Variants in CD59 observed in about 807,000 individuals in gnomAD.
The protein encoded by CD59 is CD59 molecule (CD59 blood group).
A neutral mutation model predicts 7.0 loss-of-function variants in CD59; 3 were observed. The ratio of observed to expected loss-of-function variants is 0.43; its 90% CI spans 0.19 to 1.10. CD59 has a LOEUF of 1.10. Ranked by LOEUF, CD59 falls within the 50% of genes least tolerant of loss-of-function variation. The pLI is 0.29. For synonymous variants in CD59, 60 were observed against 62.0 expected (o/e 0.97, Z 0.15); for missense variants, 143 against 151.0 (o/e 0.95, Z 0.28).
chr11:33,705,549 A>G lies in CD59; in HGVS notation c.*4577T>C, dbSNP rs1287823044. On this transcript the variant is annotated 3_prime_UTR_variant, in exon 4 of 4. Transcript: ENST00000642928. ...GCCTTTGGAATCTAGGACTTGCACC[A>G]GTGGGTTGGTTGCCAGGGGCTCTTG... is the stretch of plus-strand genomic sequence containing the variant. 6.6e-6 allele frequency: 1 copy of G among 152,246 alleles called. No individual in the cohort carries two copies. Among genetic ancestry groups the G allele is most frequent in the Non-Finnish European group, 1.5e-5 (1 of 68,044 alleles). 9.4% of individuals were successfully genotyped at this position (152,246 alleles called of 1,614,324 possible). A position where few individuals can be genotyped will look rare whatever the true frequency, so the allele number is the denominator to read the frequency against.
chr11:33,718,882 G>C (rs1159795628), intron 2 of CD59: 1 of 152,232 alleles, frequency 6.6e-6, no homozygotes, highest in African/African-American at 2.4e-5. Flanking sequence ...GAGGAAGCAA[G>C]AGTTGGAAGG....
chr11:33,722,355 A>G lies in CD59; in HGVS notation c.67+24T>C, dbSNP rs7107334. Reference sequence around the variant, plus strand: ...TTCATGGCCAAGGCAGCCTAGATCCATGTCCTGAGACTGGAGCACTCACCT... The same window carrying G: ...TTCATGGCCAAGGCAGCCTAGATCCGTGTCCTGAGACTGGAGCACTCACCT... On this transcript the variant is annotated intron_variant, in intron 2 of 3. Transcript: ENST00000642928. 156 of 1,557,166 alleles carry G rather than the reference A, an allele frequency of 1.0e-4. No homozygotes were observed. In the African/African-American group the frequency reaches 1.9e-3, roughly 19 times the overall value.
At chr11:33,710,935 T>C (rs1853523205) in intron 3 of CD59, among the ~76,000 whole-genome samples, 1 of 151,280 alleles carries the variant, frequency 6.6e-6, no homozygotes, top group South Asian at 2.1e-4. Context: ...TTTTAAAAAG[T>C]GTTAAAGAAA....
chr11:33,734,649 G>C (rs1854513102), intron 1 of CD59, among the ~76,000 whole-genome samples: 1 of 152,210 alleles, frequency 6.6e-6, no homozygotes, highest in Non-Finnish European at 1.5e-5. Flanking sequence ...ACTCTCCAAA[G>C]AGTCCTATCT....
intron 3 of CD59, chr11:33,711,585 G>A (rs913898564): frequency 3.5e-6 from 2 of 577,574 alleles, no homozygotes; most frequent in African/African-American, 3.9e-5. Flanking sequence ...GCTGAGGCAG[G>A]AGGATCACTT....
intron 2 of CD59, chr11:33,718,845 A>T (rs1853920724): frequency 6.6e-6 from 1 of 152,240 alleles, no homozygotes; most frequent in African/African-American, 2.4e-5. Context: ...GATGAGTTAC[A>T]GTCCACACGT....
chr11:33,718,099 TA>T (rs1396642138), intron 2 of CD59: 12 of 155,630 alleles, frequency 7.7e-5, no homozygotes, highest in Admixed American at 5.6e-4. Context: ...ATTTTGTCAA[TA>T]AAAAAATCTG....
chr11:33,734,153 G>A (rs1854497450), intron 1 of CD59, among the ~76,000 whole-genome samples: 1 of 152,186 alleles, frequency 6.6e-6, no homozygotes, highest in Non-Finnish European at 1.5e-5. Flanking sequence ...ACCTGCTCTA[G>A]CCATGCCTGT....
At chr11:33,720,272 C>T (rs1210313083) in intron 2 of CD59, among the ~76,000 whole-genome samples, 3 of 152,238 alleles carry the variant, frequency 2.0e-5, no homozygotes, top group African/African-American at 7.2e-5. Flanking sequence ...CACACAGCTA[C>T]TAAGTGACCG....
In CD59 at chr11:33,704,761, T is replaced by TA. The variant is rs1853242694; in HGVS notation, c.*5364dup. ...TTGGACAGCCTCCAAATTGTCACCC[T>TA]AGCCTTCAGGGCAAGGCTGCACACA... On this transcript the variant is annotated 3_prime_UTR_variant, in exon 4 of 4. Transcript: ENST00000642928. 1 of 152,542 alleles carries TA rather than the reference T, an allele frequency of 6.6e-6. No homozygotes were observed. The highest frequency in any genetic ancestry group is 2.1e-4 in the South Asian group (1 of 4,822). 9.4% of individuals were successfully genotyped at this position (152,542 alleles called of 1,614,324 possible). A position where few individuals can be genotyped will look rare whatever the true frequency, so the allele number is the denominator to read the frequency against.
At position 33,709,884 on chromosome 11, in the gene CD59, A is replaced by C. The variant is rs1020407889; in HGVS notation, c.*242T>G. 9 of 594,230 alleles carry C rather than the reference A, an allele frequency of 1.5e-5. No homozygotes were observed. Among genetic ancestry groups the C allele is most frequent in the East Asian group, 2.8e-5 (1 of 35,106 alleles). The allele number at this position is 594,230 out of a possible 1,614,324, so 36.8% of individuals were successfully genotyped here. On this transcript the variant is annotated 3_prime_UTR_variant, in exon 4 of 4. Coordinates refer to ENST00000642928, the MANE Select transcript of CD59 (RefSeq NM_000611.6). The stretch of plus-strand genomic sequence containing the variant: ...CCAAGAGCAAAGGAGGAAGCATGCA[A>C]TCTAGTTCAAGTCACACCTACTTCA...
intron 1 of CD59, among the ~76,000 whole-genome samples, chr11:33,732,904 A>G (rs1228522631): frequency 6.6e-6 from 1 of 152,152 alleles, no homozygotes. Flanking sequence ...GGATTATTCA[A>G]TGGGCCCAAT....
chr11:33,708,129 T>C lies in CD59; in HGVS notation c.*1997A>G, dbSNP rs1048524484. 1 of 152,314 alleles carries C rather than the reference T, an allele frequency of 6.6e-6. No individual in the cohort carries two copies. Among genetic ancestry groups the C allele is most frequent in the Admixed American group, 6.5e-5 (1 of 15,294 alleles). 9.4% of individuals were successfully genotyped at this position (152,314 alleles called of 1,614,324 possible). On this transcript the variant is annotated 3_prime_UTR_variant, in exon 4 of 4. Coordinates refer to ENST00000642928, the MANE Select transcript of CD59 (RefSeq NM_000611.6). ...GGTGCTGTTTGCCTAGTACTATAAATGTCTTTACATTACAGTATTGCCTTT... is the reference window on the plus strand; with the variant it reads ...GGTGCTGTTTGCCTAGTACTATAAACGTCTTTACATTACAGTATTGCCTTT...
intron 2 of CD59, among the ~76,000 whole-genome samples, chr11:33,720,808 G>A (rs372900586): frequency 9.5e-4 from 145 of 152,348 alleles, no homozygotes; most frequent in Middle Eastern, 6.8e-3. Context: ...AGCCAGGGTA[G>A]ACGAGGTTTC....
At chr11:33,722,828 C>T in intron 1 of CD59, 1 of 933,142 alleles carries the variant, frequency 1.1e-6, no homozygotes, top group Non-Finnish European at 1.4e-6. Context: ...CTCGGAGCCA[C>T]AGCACTAAGT....
rs1854571222 is a variant in CD59, at chr11:33,736,225, G to C, written c.-19+157C>G. On this transcript the variant is annotated intron_variant, in intron 1 of 3. Transcript: ENST00000642928. This position sits in a 1 kb window ranked among gnomAD's most constrained non-coding sequence, Gnocchi z 4.4. ...GCTAGGACACCGGGCCGCGGTGACGGGTTGGAAGGGCCAGGCCTCGGGAGG... is the reference window on the plus strand; with the variant it reads ...GCTAGGACACCGGGCCGCGGTGACGCGTTGGAAGGGCCAGGCCTCGGGAGG... Among the ~76,000 whole-genome samples, 2 of 152,188 alleles carry C rather than the reference G, an allele frequency of 1.3e-5. No homozygotes were observed. The highest frequency in any genetic ancestry group is 4.1e-4 in the South Asian group (2 of 4,836).
At chr11:33,711,449 G>A (rs937909159) in intron 3 of CD59, 47 of 699,044 alleles carry the variant, frequency 6.7e-5, no homozygotes, top group Non-Finnish European at 1.0e-4. Flanking sequence ...CACTTTAGGA[G>A]GCTGAAGTGA....
chr11:33,706,780 G>GT lies in CD59; in HGVS notation c.*3345dup, dbSNP rs1164316872. ...CGTCCTGTTCACCTCATGCTATTGGGTAACTTTCCAGTAAAAAACAATTGC... is the reference window on the plus strand; with the variant it reads ...CGTCCTGTTCACCTCATGCTATTGGGTTAACTTTCCAGTAAAAAACAATTGC... On this transcript the variant is annotated 3_prime_UTR_variant, in exon 4 of 4. Coordinates refer to ENST00000642928, the MANE Select transcript of CD59 (RefSeq NM_000611.6). The GT allele has an allele frequency of 2.6e-5, 4 of 152,308 alleles. No homozygotes were observed. Among genetic ancestry groups the GT allele is most frequent in the African/African-American group, 4.8e-5 (2 of 41,550 alleles). The allele number at this position is 152,308 out of a possible 1,614,324, so 9.4% of individuals were successfully genotyped here. A position where few individuals can be genotyped will look rare whatever the true frequency, so the allele number is the denominator to read the frequency against.
chr11:33,710,818 AAAGTGATAG>A (rs987509649), intron 3 of CD59, among the ~76,000 whole-genome samples: 1 of 151,426 alleles, frequency 6.6e-6, no homozygotes, highest in African/African-American at 2.4e-5. Context: ...TCAGCCTCCC[AAAGTGATAG>A]AATTATAGGG....
Sources: gnomAD v4.1 joint callset for allele counts (sites outside exome capture counted in the v4.1 genomes callset) on GRCh38, gnomAD v4.1.1 for gene constraint, Gnocchi (gnomAD v3.1) non-coding constraint, MANE v1.5 for transcripts, NCBI Gene and HGNC (gene_info 2026-07-23, HGNC 2026-07-21) for gene names.